Variants in PANK3 observed in about 807,000 individuals in gnomAD.
PANK3 encodes hPanK3.
In PANK3, 20 loss-of-function variants were observed where a neutral mutation model predicts 39.4. The observed-to-expected ratio is 0.51, with a 90% CI of 0.36 to 0.74. The LOEUF (loss-of-function observed/expected upper bound fraction) is 0.74. PANK3 is among the 30% of genes least tolerant of loss of function. The pLI, the probability that PANK3 is intolerant of heterozygous loss-of-function variation, is 0.00. For missense variants in PANK3, 265 were observed against 437.0 expected (o/e 0.61, Z 3.51); for synonymous variants, 140 against 157.3 (o/e 0.89, Z 0.82).
At chr5:168,558,402 G>A (rs1377050279) in intron 6 of PANK3, among the ~76,000 whole-genome samples, 2 of 151,950 alleles carry the variant, frequency 1.3e-5, no homozygotes, top group East Asian at 3.9e-4. Context: ...CTGACCTCGT[G>A]ATCCGTCCGC....
intron 5 of PANK3, among the ~76,000 whole-genome samples, chr5:168,559,732 A>G (rs941159206): frequency 9.2e-5 from 14 of 152,172 alleles, no homozygotes; most frequent in African/African-American, 3.4e-4. Flanking sequence ...AGTACTATAA[A>G]ATGCATTTAG....
intron 5 of PANK3, 71 bp downstream of exon 5, chr5:168,561,322 C>T: frequency 7.4e-7 from 1 of 1,358,198 alleles, no homozygotes; most frequent in South Asian, 1.7e-5. Flanking sequence ...GTGAAGAAGC[C>T]CTGCTAGGTG....
rs1165455931 is a variant in PANK3, at chr5:168,554,989, T to C, written c.*2582A>G. 4 of 152,358 alleles carry C rather than the reference T, an allele frequency of 2.6e-5. No individual in the cohort carries two copies. The highest frequency in any genetic ancestry group is 2.1e-4 in the South Asian group (1 of 4,830). 9.4% of individuals were successfully genotyped at this position (152,358 alleles called of 1,614,324 possible). A position where few individuals can be genotyped will look rare whatever the true frequency, so the allele number is the denominator to read the frequency against. ...CAACCATCTCACCACTGTGGCTCTT[T>C]AGCTTTTCCCATATGTAATCTAGAG... On this transcript the variant is annotated 3_prime_UTR_variant, in exon 7 of 7. Coordinates refer to ENST00000239231, the MANE Select transcript of PANK3 (RefSeq NM_024594.4).
chr5:168,566,685 T>A (rs1759541288), intron 2 of PANK3, among the ~76,000 whole-genome samples: 1 of 152,218 alleles, frequency 6.6e-6, no homozygotes. Flanking sequence ...TTTACCTATC[T>A]GTCTGTGTAT....
intron 1 of PANK3, among the ~76,000 whole-genome samples, chr5:168,576,357 T>G (rs1280018749): frequency 6.6e-6 from 1 of 152,230 alleles, no homozygotes; most frequent in Non-Finnish European, 1.5e-5. Context: ...GTATCACCTT[T>G]TACTATCACC....
intron 6 of PANK3, 57 bp from the exon 7 acceptor site, chr5:168,557,678 T>C: frequency 7.2e-7 from 1 of 1,385,576 alleles, no homozygotes; most frequent in South Asian, 1.2e-5. Context: ...GCATATAATA[T>C]TAACCACTTG....
rs1582459107 is a variant in PANK3, at chr5:168,554,445, C to T, written c.*3126G>A. 6.6e-6 allele frequency: 1 copy of T among 152,154 alleles called. No individual in the cohort carries two copies. The highest frequency in any genetic ancestry group is 2.4e-5 in the African/African-American group (1 of 41,426). 9.4% of individuals were successfully genotyped at this position (152,154 alleles called of 1,614,324 possible). On this transcript the variant is annotated 3_prime_UTR_variant, in exon 7 of 7. Transcript: ENST00000239231. ...CCCCATGTAGTTTTCAAATTTTATACTCAAGTCCTTATATTCGATTACAGG... is the reference window on the plus strand; with the variant it reads ...CCCCATGTAGTTTTCAAATTTTATATTCAAGTCCTTATATTCGATTACAGG...
rs547570096 is a variant in PANK3, at chr5:168,558,366, T to C, written c.1062+666A>G. ...TTTTAGTAGAGACGGGGTTTCACCGTTGTTAGCCAGGATGGTCTTGATCTC... is the reference window on the plus strand; with the variant it reads ...TTTTAGTAGAGACGGGGTTTCACCGCTGTTAGCCAGGATGGTCTTGATCTC... On this transcript the variant is annotated intron_variant, in intron 6 of 6. Coordinates refer to ENST00000239231, the MANE Select transcript of PANK3 (RefSeq NM_024594.4). Among the ~76,000 whole-genome samples, 21 of 152,014 alleles carry C rather than the reference T, an allele frequency of 1.4e-4. 1 individual carries two copies. The South Asian group carries it at 2.9e-3, about 21-fold the overall frequency.
At chr5:168,558,098 A>G (rs1315889034) in intron 6 of PANK3, among the ~76,000 whole-genome samples, 1 of 151,642 alleles carries the variant, frequency 6.6e-6, no homozygotes, top group East Asian at 1.9e-4. Flanking sequence ...GGAATTGCAC[A>G]AGGGCACACC....
intron 5 of PANK3, among the ~76,000 whole-genome samples, chr5:168,561,136 G>C (rs1372699237): frequency 1.3e-5 from 2 of 152,070 alleles, no homozygotes; most frequent in South Asian, 4.2e-4. Context: ...CATCCTCAAG[G>C]GATTTAGGTT....
At chr5:168,575,612 C>T (rs918464691) in intron 1 of PANK3, among the ~76,000 whole-genome samples, 2 of 152,026 alleles carry the variant, frequency 1.3e-5, no homozygotes, top group Non-Finnish European at 2.9e-5. Flanking sequence ...ATGGCAAAAC[C>T]CCATCTCTGC....
Position 168,571,496 on chromosome 5 carries a change from T to C in PANK3, c.29-2498A>G, listed in dbSNP as rs1471960612. Among the ~76,000 whole-genome samples the C allele has an allele frequency of 2.0e-5, 3 of 152,170 alleles. No individual in the cohort carries two copies. The East Asian group carries it at 5.8e-4, about 29-fold the overall frequency. ...CAGTGCCAAGATTCCATCCTAAAAATATATATTTCTATTCTCTAGGATCTT... is the reference window on the plus strand; with the variant it reads ...CAGTGCCAAGATTCCATCCTAAAAACATATATTTCTATTCTCTAGGATCTT... On this transcript the variant is annotated intron_variant, in intron 1 of 6. Transcript: ENST00000239231.
chr5:168,576,949 G>A (rs1759741297), intron 1 of PANK3, among the ~76,000 whole-genome samples: 2 of 151,680 alleles, frequency 1.3e-5, no homozygotes, highest in Admixed American at 6.6e-5. Flanking sequence ...GCGTGATCTC[G>A]GCTCCCTGTA....
chr5:168,571,987 G>A (rs1374537831), intron 1 of PANK3, among the ~76,000 whole-genome samples: 1 of 152,108 alleles, frequency 6.6e-6, no homozygotes, highest in Admixed American at 6.5e-5. Flanking sequence ...GCCAGGGGCA[G>A]CTTTGAGCTC....
chr5:168,566,855 G>A (rs1044352038), intron 2 of PANK3, among the ~76,000 whole-genome samples: 1 of 152,014 alleles, frequency 6.6e-6, no homozygotes, highest in Admixed American at 6.6e-5. Flanking sequence ...GCGATTCTCC[G>A]CCTCAGCCTC....
chr5:168,549,569 A>AT lies in PANK3; in HGVS notation c.*8001dup, dbSNP rs1256776680. On this transcript the variant is annotated 3_prime_UTR_variant, in exon 7 of 7. Coordinates refer to ENST00000239231, the MANE Select transcript of PANK3 (RefSeq NM_024594.4). ...CATATTTATACCATTCAAAATCTTG[A>AT]TTTTAACCTCATTCACTCCTTTGAA... The AT allele has an allele frequency of 3.9e-5, 6 of 152,178 alleles. No individual in the cohort carries two copies. Among genetic ancestry groups the AT allele is most frequent in the Admixed American group, 3.9e-4 (6 of 15,274 alleles). The allele number at this position is 152,178 out of a possible 1,614,324, so 9.4% of individuals were successfully genotyped here.
At chr5:168,564,413 A>G (rs1759493694) in intron 3 of PANK3, among the ~76,000 whole-genome samples, 1 of 152,196 alleles carries the variant, frequency 6.6e-6, no homozygotes, top group Non-Finnish European at 1.5e-5. Context: ...AATCAGTACC[A>G]TATTAATTAC....
At chr5:168,561,364 T>C in intron 5 of PANK3, 29 bp downstream of exon 5, 1 of 1,553,602 alleles carries the variant, frequency 6.4e-7, no homozygotes, top group Non-Finnish European at 8.7e-7. Flanking sequence ...TTTTTGATAA[T>C]TCAAGTTTTG....
At chr5:168,561,075 A>T (rs1759439516) in intron 5 of PANK3, 1 of 239,136 alleles carries the variant, frequency 4.2e-6, no homozygotes. Context: ...GACTAAAAAA[A>T]ATGCTTTCAC....
Sources: allele counts gnomAD v4.1 joint callset (sites outside exome capture counted in the v4.1 genomes callset), GRCh38; gene constraint gnomAD v4.1.1; transcripts MANE v1.5; gene names NCBI Gene and HGNC (gene_info 2026-07-23, HGNC 2026-07-21).